The following CFAP46 variants were observed in gnomAD, a reference collection of about 807,000 sequenced individuals.
The protein encoded by CFAP46 is cilia and flagella associated protein 46.
CFAP46 carries 245 observed loss-of-function variants against 325.7 expected under a neutral mutation model. The ratio of observed to expected loss-of-function variants is 0.75; its 90% CI spans 0.68 to 0.84. CFAP46 has a LOEUF of 0.84. Ranked by LOEUF, CFAP46 falls within the 40% of genes least tolerant of loss-of-function variation. CFAP46 has a pLI of 0.00. For missense variants in CFAP46, 3,346 were observed against 3,543.0 expected, an observed-to-expected ratio of 0.94 and a Z score of 1.41; for synonymous variants, 1,523 against 1,495.9, an observed-to-expected ratio of 1.02 and a Z score of -0.42.
Position 132,860,956 on chromosome 10 carries a change from G to A in CFAP46, c.4917C>T (p.Ala1639=). The A allele has an allele frequency of 6.4e-7, 1 of 1,550,648 alleles. No homozygotes were observed. Among genetic ancestry groups the A allele is most frequent in the Non-Finnish European group, 8.7e-7 (1 of 1,147,022 alleles). The stretch of plus-strand genomic sequence containing the variant: ...ACTGTGCGAGGAGGAGCAGGCACTG[G>A]GCCTCTGCACAAGGCTCATCCAGCT... ...FQELDEPCAE[A]QCLLLLAQLA... Residue 1639 remains alanine (A), a synonymous_variant, in exon 36 of 58, where the codon GCC becomes GCT. Transcript: ENST00000368586.
rs559356464 is a variant in CFAP46 at position 132,899,498 on chromosome 10, G to A, written c.3056+37C>T. 5.5e-4 allele frequency: 840 copies of A among 1,519,762 alleles called. 7 individuals are homozygous for A. The highest frequency in any genetic ancestry group is 8.2e-5 in the Non-Finnish European group (93 of 1,131,646). The allele number at this position is 1,519,762 out of a possible 1,614,324, so 94.1% of individuals were successfully genotyped here. A position where few individuals can be genotyped will look rare whatever the true frequency, so the allele number is the denominator to read the frequency against. ...CACAGGGGTCCCGCACGGCCGGGGA[G>A]GGACAGAGCCCACCCCAGCCCCTTA... On this transcript the variant is annotated intron_variant, in intron 23 of 57. Transcript: ENST00000368586.
chr10:132,846,844 C>T (rs1052652003), intron 43 of CFAP46, 88 bp downstream of exon 43: 146 of 1,444,326 alleles, frequency 1.0e-4, no homozygotes, highest in Non-Finnish European at 1.3e-4. Context: ...CTAATGGAGT[C>T]CCCCCAAGGC....
chr10:132,820,061 C>G (rs536052709), intron 50 of CFAP46, among the ~76,000 whole-genome samples: 1 of 151,644 alleles, frequency 6.6e-6, no homozygotes. Flanking sequence ...ACAACCCAAT[C>G]GAAGAACGGG....
intron 17 of CFAP46, 55 bp from the exon 18 acceptor site, chr10:132,913,313 G>C (rs2135554933): frequency 4.8e-6 from 7 of 1,471,866 alleles, no homozygotes; most frequent in African/African-American, 1.4e-5. Flanking sequence ...CCCGGGGCCA[G>C]GCACCAGGAA....
chr10:132,928,897 A>G (rs1849849419), intron 9 of CFAP46, among the ~76,000 whole-genome samples: 1 of 152,236 alleles, frequency 6.6e-6, no homozygotes, highest in Admixed American at 6.5e-5. Flanking sequence ...GCAATACTCT[A>G]ACGTGTATTC....
chr10:132,823,084 G>A (rs1448242472), intron 50 of CFAP46, among the ~76,000 whole-genome samples: 1 of 143,070 alleles, frequency 7.0e-6, no homozygotes, highest in Non-Finnish European at 1.5e-5. Context: ...TGTGTGTGCT[G>A]ATGTGTGCTT....
chr10:132,893,532 C>T (rs1849281783), intron 24 of CFAP46, among the ~76,000 whole-genome samples: 1 of 152,170 alleles, frequency 6.6e-6, no homozygotes, highest in Non-Finnish European at 1.5e-5. Context: ...TCTCTGTTTC[C>T]CTTTTTTCTT....
intron 50 of CFAP46, among the ~76,000 whole-genome samples, chr10:132,824,719 A>G (rs1353237675): frequency 0.059 from 703 of 11,942 alleles, 1 homozygote; most frequent in African/African-American, 0.087. Context: ...CTGTGTGTGT[A>G]CTGATGTGTG....
intron 50 of CFAP46, among the ~76,000 whole-genome samples, chr10:132,821,465 ATG>A (rs1330817289): frequency 2.9e-5 from 2 of 69,284 alleles, no homozygotes; most frequent in Admixed American, 1.9e-4. Flanking sequence ...GTGTGTGCTG[ATG>A]TGTGTTGTGT....
chr10:132,940,461 C>T (rs1850079732), intron 4 of CFAP46, among the ~76,000 whole-genome samples: 1 of 152,190 alleles, frequency 6.6e-6, no homozygotes, highest in Admixed American at 6.5e-5. Context: ...GCAGGGACAG[C>T]GGCCTTGGCC....
chr10:132,813,687 G>C (rs11146528), intron 54 of CFAP46, among the ~76,000 whole-genome samples: 2 of 113,892 alleles, frequency 1.8e-5, no homozygotes, highest in South Asian at 3.4e-4. Flanking sequence ...CTGCAGCCCC[G>C]CCCCTGCACA....
intron 10 of CFAP46, 67 bp from the exon 11 acceptor site, chr10:132,924,953 T>A: frequency 1.5e-6 from 2 of 1,299,030 alleles, no homozygotes; most frequent in Non-Finnish European, 2.0e-6. Context: ...GGGCGGCACC[T>A]GCGTGCAGGG....
chr10:132,920,231 C>T lies in CFAP46; in HGVS notation c.1607-49G>A, dbSNP rs146161615. On this transcript the variant is annotated intron_variant, in intron 13 of 57. Coordinates refer to ENST00000368586, the MANE Select transcript of CFAP46 (RefSeq NM_001200049.3). ...GGTGTTGCAGCTGCTGGCCAAGGGC[C>T]GGGGACGTGCCCATCAGTAACCAAT... 1,488 of 1,483,196 alleles carry T rather than the reference C, an allele frequency of 1.0e-3. 8 individuals are homozygous for T. The African/African-American group carries it at 0.016, about 16-fold the overall frequency. 91.9% of individuals were successfully genotyped at this position (1,483,196 alleles called of 1,614,324 possible). A position where few individuals can be genotyped will look rare whatever the true frequency, so the allele number is the denominator to read the frequency against.
intron 39 of CFAP46, among the ~76,000 whole-genome samples, chr10:132,856,464 T>C (rs188178660): frequency 1.1e-3 from 167 of 152,364 alleles, no homozygotes; most frequent in African/African-American, 3.8e-3. Context: ...CAATTACACC[T>C]ATATTCGTGC....
intron 44 of CFAP46, among the ~76,000 whole-genome samples, chr10:132,845,381 G>A (rs1237587721): frequency 6.6e-6 from 1 of 152,192 alleles, no homozygotes; most frequent in East Asian, 1.9e-4. Flanking sequence ...GGGTGCTCCT[G>A]TCAGCCAGTG....
At chr10:132,888,018 T>TTCTCTCTCTCCTCTCCCCTCTTCTC (rs1454506060) in intron 25 of CFAP46, among the ~76,000 whole-genome samples, 1 of 93,972 alleles carries the variant, frequency 1.1e-5, no homozygotes, top group Non-Finnish European at 2.2e-5. Flanking sequence ...CTCTCCCCTC[T>TTCTCTCTCTCCTCTCCCCTCTTCTC]TCTCTCCTCT....
intron 29 of CFAP46, among the ~76,000 whole-genome samples, chr10:132,878,390 C>T (rs532655771): frequency 1.3e-5 from 2 of 152,094 alleles, no homozygotes; most frequent in East Asian, 3.9e-4. Context: ...CCCTGGGGCT[C>T]CCTGCTGGCC....
Position 132,918,392 on chromosome 10 carries a change from C to T in CFAP46, c.1986+1G>A, listed in dbSNP as rs774530275. The stretch of plus-strand genomic sequence containing the variant: ...GATGAACCCCCCTCTCCATGACGCA[C>T]CTCAGCATGGATGAACCCCACCTCC... On this transcript the variant is annotated splice_donor_variant, in intron 16 of 57. Transcript: ENST00000368586. LOFTEE classifies it high-confidence loss of function. The T allele has an allele frequency of 3.2e-4, 497 of 1,546,166 alleles. 1 individual carries two copies. Among genetic ancestry groups the T allele is most frequent in the Non-Finnish European group, 4.1e-4 (470 of 1,144,410 alleles).
chr10:132,826,076 G>C, intron 50 of CFAP46, among the ~76,000 whole-genome samples: 1 of 144,478 alleles, frequency 6.9e-6, no homozygotes, highest in Admixed American at 6.8e-5. Context: ...CAGCCACGGA[G>C]CCAGGCAGGA....
Sources: gnomAD v4.1 joint callset for allele counts (sites outside exome capture counted in the v4.1 genomes callset) on GRCh38, gnomAD v4.1.1 for gene constraint, MANE v1.5 for transcripts, NCBI Gene and HGNC (gene_info 2026-07-23, HGNC 2026-07-21) for gene names.